The following NRCAM variants were observed in gnomAD, a reference collection of about 807,000 sequenced individuals.
The protein encoded by NRCAM is NgCAM-related cell adhesion molecule.
In NRCAM, 83 loss-of-function variants were observed where a neutral mutation model predicts 156.5. That is an observed-to-expected ratio of 0.53 (90% CI 0.44 to 0.64). The LOEUF is 0.64. Among genes scored for constraint, NRCAM ranks in the 30% least tolerant of loss-of-function variants. The pLI is 0.00. For synonymous variants in NRCAM, 538 were observed against 563.9 expected (o/e 0.95, Z 0.65); for missense variants, 1,417 against 1,597.3 (o/e 0.89, Z 1.92).
At position 108,207,773 on chromosome 7, in the gene NRCAM, C is replaced by A; in HGVS notation, c.1076-114G>T. 4 of 780,078 alleles carry A rather than the reference C, an allele frequency of 5.1e-6. No homozygotes were observed. In the South Asian group the frequency reaches 7.4e-5, roughly 14 times the overall value. 48.3% of individuals were successfully genotyped at this position (780,078 alleles called of 1,614,324 possible). On this transcript the variant is annotated intron_variant, in intron 12 of 32. Coordinates refer to ENST00000379028, the MANE Select transcript of NRCAM (RefSeq NM_001037132.4). ...CAAGTACTTCACACTAAATTAGTCT[C>A]ATTTTTTTTGAGCGAATAGATTTAT... is the stretch of plus-strand genomic sequence containing the variant.
At chr7:108,341,048 T>A (rs889965118) in intron 2 of NRCAM, among the ~76,000 whole-genome samples, 9 of 152,174 alleles carry the variant, frequency 5.9e-5, no homozygotes, top group African/African-American at 1.9e-4. Flanking sequence ...GCAAATCCAA[T>A]GCCTAATAGG....
chr7:108,367,246 TATC>T (rs748774898), intron 2 of NRCAM, among the ~76,000 whole-genome samples: 2 of 152,200 alleles, frequency 1.3e-5, no homozygotes, highest in African/African-American at 2.4e-5. Flanking sequence ...TGCTTTGAAA[TATC>T]ATCCTGCTAA....
chr7:108,241,902 T>A (rs2095551997), intron 3 of NRCAM, among the ~76,000 whole-genome samples: 1 of 152,202 alleles, frequency 6.6e-6, no homozygotes, highest in Non-Finnish European at 1.5e-5. Flanking sequence ...ATAATCCTAA[T>A]AACATATTTT....
intron 3 of NRCAM, among the ~76,000 whole-genome samples, chr7:108,283,658 C>T (rs1338024662): frequency 2.0e-5 from 3 of 152,264 alleles, no homozygotes; most frequent in Admixed American, 6.5e-5. Flanking sequence ...TATTATCTAC[C>T]GTGGTCTCAC....
chr7:108,400,735 G>A (rs941933859), intron 1 of NRCAM, among the ~76,000 whole-genome samples: 1 of 152,080 alleles, frequency 6.6e-6, no homozygotes, highest in Admixed American at 6.6e-5. Flanking sequence ...GGAACTCAGA[G>A]TCAAGAGGTA....
intron 1 of NRCAM, among the ~76,000 whole-genome samples, chr7:108,405,135 C>T (rs2099803623): frequency 6.6e-6 from 1 of 152,182 alleles, no homozygotes; most frequent in Non-Finnish European, 1.5e-5. Flanking sequence ...TTGGACAGAT[C>T]ACACTGGTTG....
chr7:108,160,285 G>C, intron 31 of NRCAM, 76 bp downstream of exon 31: 1 of 1,398,318 alleles, frequency 7.2e-7, no homozygotes, highest in Non-Finnish European at 1.0e-6. Flanking sequence ...CAATCTACAT[G>C]ATTTCCCCCA....
chr7:108,207,729 A>C (rs2081927013), intron 12 of NRCAM, 70 bp from the exon 13 acceptor site: 3 of 1,362,224 alleles, frequency 2.2e-6, no homozygotes, highest in Non-Finnish European at 3.0e-6. Flanking sequence ...AACATATTGA[A>C]CTATTTTAAT....
intron 1 of NRCAM, among the ~76,000 whole-genome samples, chr7:108,438,650 T>C (rs781188669): frequency 1.3e-5 from 2 of 152,112 alleles, no homozygotes; most frequent in Admixed American, 6.5e-5. Flanking sequence ...TTCTAGTTAG[T>C]ACAATAAGGA....
At chr7:108,355,943 ATTT>A (rs35999220) in intron 2 of NRCAM, among the ~76,000 whole-genome samples, 1 of 145,172 alleles carries the variant, frequency 6.9e-6, no homozygotes, top group Non-Finnish European at 1.5e-5. Context: ...GTACAGTAAG[ATTT>A]TTTTTTTTTT....
chr7:108,156,021 G>T (rs964771958), intron 32 of NRCAM, among the ~76,000 whole-genome samples: 11 of 152,016 alleles, frequency 7.2e-5, no homozygotes, highest in Non-Finnish European at 1.5e-4. Flanking sequence ...TGATTTTCCT[G>T]TTGTTACCAC....
chr7:108,184,629 C>A lies in NRCAM; in HGVS notation c.2036-15G>T. The A allele has an allele frequency of 1.2e-6, 2 of 1,608,648 alleles. No individual in the cohort carries two copies. Among genetic ancestry groups the A allele is most frequent in the Non-Finnish European group, 1.7e-6 (2 of 1,177,798 alleles). ...GATGATGAATTCTGGTCACGACACA[C>A]ACACACCAAACCCAAGACCGTGAAT... On this transcript the variant is annotated splice_polypyrimidine_tract_variant and intron_variant, in intron 20 of 32. Coordinates refer to ENST00000379028, the MANE Select transcript of NRCAM (RefSeq NM_001037132.4).
At chr7:108,242,373 G>A (rs2095596174) in intron 3 of NRCAM, among the ~76,000 whole-genome samples, 1 of 151,476 alleles carries the variant, frequency 6.6e-6, no homozygotes, top group Non-Finnish European at 1.5e-5. Flanking sequence ...TCCAGGAAAT[G>A]TCTTTCCATA....
chr7:108,452,390 T>C (rs902223023), intron 1 of NRCAM, among the ~76,000 whole-genome samples: 1 of 149,614 alleles, frequency 6.7e-6, no homozygotes, highest in African/African-American at 2.5e-5. Context: ...ACTTGTCAAT[T>C]ATATCTCATT....
At chr7:108,416,890 T>C (rs1052727028) in intron 1 of NRCAM, among the ~76,000 whole-genome samples, 3 of 152,158 alleles carry the variant, frequency 2.0e-5, no homozygotes, top group African/African-American at 7.2e-5. Context: ...TTGGAAGAGG[T>C]TGTGCTATTT....
chr7:108,262,322 G>T (rs1166086391), intron 3 of NRCAM, among the ~76,000 whole-genome samples: 1 of 151,380 alleles, frequency 6.6e-6, no homozygotes. Flanking sequence ...CAGTGATGTG[G>T]TGTGTGTGTG....
chr7:108,437,628 GAATAA>G (rs1436417923), intron 1 of NRCAM, among the ~76,000 whole-genome samples: 1 of 151,962 alleles, frequency 6.6e-6, no homozygotes, highest in East Asian at 1.9e-4. Context: ...GAAGGCCGTA[GAATAA>G]AATAATCAAA....
At chr7:108,358,174 A>C (rs911763539) in intron 2 of NRCAM, among the ~76,000 whole-genome samples, 3 of 151,078 alleles carry the variant, frequency 2.0e-5, no homozygotes, top group African/African-American at 7.3e-5. Flanking sequence ...GTGAGAGGCC[A>C]AGGCAGGAGG....
intron 3 of NRCAM, among the ~76,000 whole-genome samples, chr7:108,284,960 TC>T (rs1423667900): frequency 6.6e-6 from 1 of 152,194 alleles, no homozygotes; most frequent in Non-Finnish European, 1.5e-5. Context: ...AAGGGCTCAT[TC>T]ACCTACTCCT....
Sources: gnomAD v4.1 joint callset for allele counts (sites outside exome capture counted in the v4.1 genomes callset) on GRCh38, gnomAD v4.1.1 for gene constraint, MANE v1.5 for transcripts, NCBI Gene and HGNC (gene_info 2026-07-23, HGNC 2026-07-21) for gene names.